Variants in GRID2 observed in about 807,000 individuals in gnomAD.
The protein encoded by GRID2 is glutamate receptor ionotropic, delta-2.
Under a neutral mutation model 114.8 loss-of-function variants are expected in GRID2, and 33 were observed. That is an observed-to-expected ratio of 0.29 (90% CI 0.22 to 0.38). The LOEUF (loss-of-function observed/expected upper bound fraction) is 0.38. GRID2 is among the 10% of genes least tolerant of loss of function. GRID2 has a pLI of 1.00. For missense variants in GRID2, 1,184 were observed against 1,257.7 expected (o/e 0.94, Z 0.89); for synonymous variants, 505 against 449.9 (o/e 1.12, Z -1.55).
At chr4:92,558,094 T>C (rs1726942328) in intron 1 of GRID2, among the ~76,000 whole-genome samples, 1 of 152,134 alleles carries the variant, frequency 6.6e-6, no homozygotes, top group African/African-American at 2.4e-5. Context: ...CTCAAATGCT[T>C]GCAATTGGGT....
chr4:93,122,114 T>C (rs1219072269), intron 4 of GRID2, among the ~76,000 whole-genome samples: 2 of 152,166 alleles, frequency 1.3e-5, no homozygotes, highest in Non-Finnish European at 2.9e-5. Context: ...TAGTCCAAAT[T>C]ATTACATTTT....
intron 13 of GRID2, among the ~76,000 whole-genome samples, chr4:93,616,275 G>A (rs1741630678): frequency 6.6e-6 from 1 of 152,038 alleles, no homozygotes; most frequent in Non-Finnish European, 1.5e-5. Flanking sequence ...CGGGCACAGT[G>A]GCTCTCGCCT....
intron 8 of GRID2, among the ~76,000 whole-genome samples, chr4:93,292,239 A>G (rs561053336): frequency 4.6e-5 from 7 of 152,298 alleles, no homozygotes; most frequent in African/African-American, 1.2e-4. Flanking sequence ...ATCTTCTGGC[A>G]TAAATATAAG....
intron 4 of GRID2, among the ~76,000 whole-genome samples, chr4:93,195,922 A>G (rs978491884): frequency 6.6e-6 from 1 of 152,202 alleles, no homozygotes; most frequent in African/African-American, 2.4e-5. Flanking sequence ...TTCTTGCTTT[A>G]TGTGATCACA....
Position 93,228,352 on chromosome 4 carries a change from A to T in GRID2, c.1125+3577A>T, listed in dbSNP as rs74485060. On this transcript the variant is annotated intron_variant, in intron 7 of 15. Coordinates refer to ENST00000282020, the MANE Select transcript of GRID2 (RefSeq NM_001510.4). ...ACTCTTGTGACAATTAACCCATTATAGTTATTAATGCAATAACAGCATTAA... is the reference window on the plus strand; with the variant it reads ...ACTCTTGTGACAATTAACCCATTATTGTTATTAATGCAATAACAGCATTAA... Among the ~76,000 whole-genome samples, 1,335 of 152,310 alleles carry T rather than the reference A, an allele frequency of 8.8e-3. 20 individuals are homozygous for T. Among genetic ancestry groups the T allele is most frequent in the African/African-American group, 0.031 (1,268 of 41,556 alleles).
intron 2 of GRID2, among the ~76,000 whole-genome samples, chr4:92,623,277 A>G (rs950501520): frequency 6.6e-6 from 1 of 151,536 alleles, no homozygotes; most frequent in African/African-American, 2.4e-5. Context: ...CTGTACTAGC[A>G]TCTGAACTAT....
chr4:93,451,903 A>G (rs1344535111), intron 10 of GRID2, among the ~76,000 whole-genome samples: 1 of 152,144 alleles, frequency 6.6e-6, no homozygotes, highest in Non-Finnish European at 1.5e-5. Flanking sequence ...TATCATAAGT[A>G]TGATGTTGGC....
intron 2 of GRID2, among the ~76,000 whole-genome samples, chr4:92,958,465 C>T (rs543732760): frequency 3.3e-5 from 5 of 151,972 alleles, no homozygotes; most frequent in Non-Finnish European, 7.4e-5. Context: ...ATATGATGGA[C>T]CATATTAATT....
chr4:92,958,172 C>A (rs1462177193), intron 2 of GRID2, among the ~76,000 whole-genome samples: 7 of 151,980 alleles, frequency 4.6e-5, no homozygotes, highest in Admixed American at 4.6e-4. Context: ...CTAGGACTTT[C>A]AGTAAAATCT....
At chr4:92,871,080 A>G (rs1477556204) in intron 2 of GRID2, among the ~76,000 whole-genome samples, 1 of 152,138 alleles carries the variant, frequency 6.6e-6, no homozygotes, top group Non-Finnish European at 1.5e-5. Flanking sequence ...ATTTTTTAAA[A>G]CATGTATTAG....
chr4:93,226,948 A>G (rs1468663255), intron 7 of GRID2, among the ~76,000 whole-genome samples: 1 of 152,146 alleles, frequency 6.6e-6, no homozygotes, highest in Admixed American at 6.6e-5. Flanking sequence ...ACCTGGGTCC[A>G]CTTGAGCCAC....
intron 2 of GRID2, among the ~76,000 whole-genome samples, chr4:92,608,817 A>G (rs768867107): frequency 1.3e-5 from 2 of 151,726 alleles, no homozygotes; most frequent in Non-Finnish European, 2.9e-5. Context: ...AGGTTTGTTT[A>G]TTCTGAATAA....
At chr4:93,569,145 T>C (rs574166044) in intron 13 of GRID2, among the ~76,000 whole-genome samples, 1 of 152,264 alleles carries the variant, frequency 6.6e-6, no homozygotes, top group East Asian at 1.9e-4. Flanking sequence ...CTCTGAGGCA[T>C]CACTTATCCA....
rs143349265 is a variant in GRID2 at position 93,212,037 on chromosome 4, T to A, written c.789+4580T>A. On this transcript the variant is annotated intron_variant, in intron 5 of 15. Transcript: ENST00000282020. ...GGAATTTATAATGGATGAATTATAA[T>A]TTTCCCTAGTTTCTATAAAAGAAAA... is the stretch of plus-strand genomic sequence containing the variant. Among the ~76,000 whole-genome samples the A allele has an allele frequency of 7.8e-3, 1,189 of 152,124 alleles. 14 individuals are homozygous for A. Among genetic ancestry groups the A allele is most frequent in the African/African-American group, 0.027 (1,123 of 41,502 alleles).
rs909207629 is a variant in GRID2 at position 93,010,564 on chromosome 4, T to C, written c.245-74431T>C. Among the ~76,000 whole-genome samples the C allele has an allele frequency of 5.3e-5, 8 of 152,292 alleles. No homozygotes were observed. In the East Asian group the frequency reaches 1.5e-3, roughly 29 times the overall value. ...ATAATCTTGACGCCAGAAAGGTACC[T>C]TAGCACATATAGACTTTCCTTGCAT... On this transcript the variant is annotated intron_variant, in intron 2 of 15. Coordinates refer to ENST00000282020, the MANE Select transcript of GRID2 (RefSeq NM_001510.4).
chr4:93,413,166 C>T (rs1403927445), intron 9 of GRID2, among the ~76,000 whole-genome samples: 2 of 152,052 alleles, frequency 1.3e-5, no homozygotes, highest in Non-Finnish European at 2.9e-5. Context: ...CTTGAGGAAT[C>T]GCCACACTGC....
At chr4:93,187,959 C>T (rs895207341) in intron 4 of GRID2, among the ~76,000 whole-genome samples, 1 of 152,194 alleles carries the variant, frequency 6.6e-6, no homozygotes, top group African/African-American at 2.4e-5. Flanking sequence ...GCCCTGCCCA[C>T]ATGGGTTTGC....
intron 8 of GRID2, among the ~76,000 whole-genome samples, chr4:93,318,420 CTTGAAA>C (rs1331828909): frequency 6.6e-6 from 1 of 151,966 alleles, no homozygotes; most frequent in Non-Finnish European, 1.5e-5. Context: ...TTAATGTAGA[CTTGAAA>C]TTGATATTAT....
At chr4:93,679,099 G>A (rs1406614165) in intron 14 of GRID2, among the ~76,000 whole-genome samples, 1 of 150,648 alleles carries the variant, frequency 6.6e-6, no homozygotes, top group Non-Finnish European at 1.5e-5. Flanking sequence ...CAAGCAAATG[G>A]AAAATAAAAA....
Sources: allele counts gnomAD v4.1 joint callset (sites outside exome capture counted in the v4.1 genomes callset), GRCh38; gene constraint gnomAD v4.1.1; transcripts MANE v1.5; gene names NCBI Gene and HGNC (gene_info 2026-07-23, HGNC 2026-07-21).